The following CCDC148 variants were observed in gnomAD, a reference collection of about 807,000 sequenced individuals.
The protein encoded by CCDC148 is coiled-coil domain-containing protein 148.
In CCDC148, 89 loss-of-function variants were observed where a neutral mutation model predicts 85.7. The observed-to-expected ratio is 1.04, with a 90% CI of 0.87 to 1.24. CCDC148 has a LOEUF of 1.24. Ranked by LOEUF, CCDC148 falls within the 50% of genes most tolerant of loss-of-function variation. The pLI is 0.00. For missense variants in CCDC148, 692 were observed against 671.7 expected (o/e 1.03, Z -0.33); for synonymous variants, 230 against 213.9 (o/e 1.08, Z -0.66).
intron 10 of CCDC148, among the ~76,000 whole-genome samples, chr2:158,224,287 C>CAA (rs1188857679): frequency 6.6e-6 from 1 of 152,164 alleles, no homozygotes; most frequent in Admixed American, 6.5e-5. Context: ...AATAAATGAA[C>CAA]AAAGCCTCCA....
chr2:158,268,486 TAAGGTATACA>T (rs1163035208), intron 9 of CCDC148, among the ~76,000 whole-genome samples: 1 of 152,130 alleles, frequency 6.6e-6, no homozygotes, highest in Non-Finnish European at 1.5e-5. Context: ...AAAATTATAT[TAAGGTATACA>T]ACATGATGAT....
At chr2:158,255,866 T>C (rs989185077) in intron 9 of CCDC148, among the ~76,000 whole-genome samples, 9 of 151,758 alleles carry the variant, frequency 5.9e-5, no homozygotes, top group Non-Finnish European at 1.3e-4. Context: ...AATACTTTGC[T>C]TAATATGCCT....
intron 11 of CCDC148, among the ~76,000 whole-genome samples, chr2:158,194,766 C>T (rs1685584561): frequency 6.6e-6 from 1 of 152,086 alleles, no homozygotes. Context: ...TATTTCTGCC[C>T]TGTGCAGGTA....
intron 1 of CCDC148, among the ~76,000 whole-genome samples, chr2:158,382,315 G>A (rs1389469800): frequency 2.6e-5 from 4 of 152,052 alleles, no homozygotes; most frequent in African/African-American, 4.8e-5. Flanking sequence ...ATAAATTGAC[G>A]TATATTCACA....
chr2:158,436,431 G>C (rs987888900), intron 1 of CCDC148, among the ~76,000 whole-genome samples: 6 of 152,256 alleles, frequency 3.9e-5, no homozygotes, highest in African/African-American at 1.4e-4. Flanking sequence ...AAACCAATGA[G>C]AACAAAGACA....
chr2:158,422,225 C>A (rs1446287713), intron 1 of CCDC148, among the ~76,000 whole-genome samples: 1 of 152,166 alleles, frequency 6.6e-6, no homozygotes, highest in African/African-American at 2.4e-5. Flanking sequence ...GGAATCCTCC[C>A]TAACTCATTT....
At chr2:158,219,651 C>A (rs574001957) in intron 11 of CCDC148, among the ~76,000 whole-genome samples, 1 of 152,212 alleles carries the variant, frequency 6.6e-6, no homozygotes, top group Admixed American at 6.5e-5. Flanking sequence ...TTCCATTAAG[C>A]CTTGCAAGCA....
chr2:158,220,335 T>A (rs1461792285), intron 11 of CCDC148, among the ~76,000 whole-genome samples: 1 of 152,226 alleles, frequency 6.6e-6, no homozygotes, highest in East Asian at 1.9e-4. Flanking sequence ...ACACAGTGGG[T>A]AATCAAATAC....
chr2:158,283,956 A>T (rs1690481756), intron 9 of CCDC148, among the ~76,000 whole-genome samples: 1 of 151,424 alleles, frequency 6.6e-6, no homozygotes, highest in South Asian at 2.1e-4. Context: ...ATAAAAAATG[A>T]TGAGTTCATG....
At chr2:158,176,833 T>C in intron 12 of CCDC148, 172 bp from the exon 13 acceptor site, 1 of 633,976 alleles carries the variant, frequency 1.6e-6, no homozygotes. Context: ...CACAAAGGAG[T>C]TAAAACAAAA....
chr2:158,425,205 G>T, intron 1 of CCDC148: 1 of 534,640 alleles, frequency 1.9e-6, no homozygotes, highest in Non-Finnish European at 3.7e-6. Flanking sequence ...TAGGAACCAT[G>T]ACTATGCACA....
intron 10 of CCDC148, among the ~76,000 whole-genome samples, chr2:158,242,131 GC>G (rs1688375770): frequency 1.3e-5 from 2 of 152,102 alleles, no homozygotes; most frequent in African/African-American, 4.8e-5. Flanking sequence ...GTATAGTTCT[GC>G]CATTCTAGAG....
intron 10 of CCDC148, among the ~76,000 whole-genome samples, chr2:158,242,422 A>G (rs1008084843): frequency 1.4e-4 from 22 of 152,184 alleles, no homozygotes; most frequent in African/African-American, 5.1e-4. Flanking sequence ...TTCTTATCAT[A>G]CAAATGCAAA....
intron 9 of CCDC148, among the ~76,000 whole-genome samples, chr2:158,253,503 C>T (rs1043738616): frequency 1.3e-5 from 2 of 151,612 alleles, no homozygotes; most frequent in African/African-American, 4.8e-5. Context: ...TGTCTTATTT[C>T]ACTGACCATA....
intron 11 of CCDC148, among the ~76,000 whole-genome samples, chr2:158,211,760 C>T (rs1253729318): frequency 1.3e-5 from 2 of 152,216 alleles, no homozygotes; most frequent in African/African-American, 4.8e-5. Flanking sequence ...CTTGAATGAC[C>T]TTCAGCTGTG....
At chr2:158,219,653 T>A (rs1466088198) in intron 11 of CCDC148, among the ~76,000 whole-genome samples, 2 of 152,230 alleles carry the variant, frequency 1.3e-5, no homozygotes, top group Non-Finnish European at 2.9e-5. Flanking sequence ...CCATTAAGCC[T>A]TGCAAGCATC....
intron 1 of CCDC148, among the ~76,000 whole-genome samples, chr2:158,455,134 G>A (rs1201166611): frequency 6.6e-6 from 1 of 152,072 alleles, no homozygotes; most frequent in Admixed American, 6.6e-5. Flanking sequence ...CATTAAACAT[G>A]TGTCTCATAT....
chr2:158,400,632 C>T (rs907383598), intron 1 of CCDC148, among the ~76,000 whole-genome samples: 1 of 152,154 alleles, frequency 6.6e-6, no homozygotes, highest in African/African-American at 2.4e-5. Context: ...CAATACCATT[C>T]AGGACATAGG....
chr2:158,456,530 C>T lies in CCDC148; in HGVS notation c.-91G>A, dbSNP rs1688756789. On this transcript the variant is annotated 5_prime_UTR_variant, in exon 1 of 14. Coordinates refer to ENST00000283233, the MANE Select transcript of CCDC148 (RefSeq NM_138803.4). The stretch of plus-strand genomic sequence containing the variant: ...TGGGCTCTCGCCGTCAGGGGTACAT[C>T]TAAGGGCTCAGCTGTTCCTACCTTT... 3.3e-6 allele frequency: 5 copies of T among 1,500,754 alleles called. No homozygotes were observed. Among genetic ancestry groups the T allele is most frequent in the Admixed American group, 2.1e-5 (1 of 47,898 alleles). The allele number at this position is 1,500,754 out of a possible 1,614,324, so 93.0% of individuals were successfully genotyped here.
Sources: allele counts gnomAD v4.1 joint callset (sites outside exome capture counted in the v4.1 genomes callset), GRCh38; gene constraint gnomAD v4.1.1; transcripts MANE v1.5; gene names NCBI Gene and HGNC (gene_info 2026-07-23, HGNC 2026-07-21).